ECE2: variants seen among roughly 807,000 people sequenced by gnomAD.
ECE2 encodes endothelin converting enzyme 2, also known as endothelin-converting enzyme 2.
ECE2 carries 81 observed loss-of-function variants against 100.6 expected under a neutral mutation model. The ratio of observed to expected loss-of-function variants is 0.81; its 90% CI spans 0.67 to 0.97. The LOEUF is 0.97. Ranked by LOEUF, ECE2 falls within the 50% of genes least tolerant of loss-of-function variation. The pLI is 0.00. For missense variants in ECE2, 911 were observed against 988.1 expected (o/e 0.92, Z 1.05); for synonymous variants, 391 against 391.5 (o/e 1.00, Z 0.02).
intron 6 of ECE2, 56 bp downstream of exon 6, chr3:184,278,369 C>A: frequency 6.3e-7 from 1 of 1,596,082 alleles, no homozygotes. Flanking sequence ...TGAGCCCAGA[C>A]TTCCCTCTCC....
chr3:184,283,796 C>T lies in ECE2; in HGVS notation c.828C>T (p.Ala276=). Residue 276 remains alanine (A), a synonymous_variant, in exon 8 of 19, where the codon GCC becomes GCT. Coordinates refer to ENST00000404464, the MANE Select transcript of ECE2 (RefSeq NM_001100121.2). ...CCGGGCCTTGACAGGTGCTCACTGCCTATCTGGATTACATGGAGGAACTGG... is the reference window on the plus strand; with the variant it reads ...CCGGGCCTTGACAGGTGCTCACTGCTTATCTGGATTACATGGAGGAACTGG... The part of the protein sequence containing the change: ...NRTANEKVLT[A]YLDYMEELGM... 1 of 1,613,680 alleles carries T rather than the reference C, an allele frequency of 6.2e-7. No homozygotes were observed. The highest frequency in any genetic ancestry group is 1.7e-5 in the Admixed American group (1 of 59,954).
At chr3:184,279,237 G>A (rs1176527670) in intron 7 of ECE2, among the ~76,000 whole-genome samples, 1 of 147,870 alleles carries the variant, frequency 6.8e-6, no homozygotes. Context: ...CTGAACCTGG[G>A]AGGCGGAGGT....
chr3:184,288,167 G>A (rs1351054585), intron 11 of ECE2, among the ~76,000 whole-genome samples: 10 of 152,004 alleles, frequency 6.6e-5, no homozygotes, highest in East Asian at 3.9e-4. Context: ...AAAATTAGCC[G>A]GGCGTGGTGG....
At chr3:184,277,222 C>T (rs1720596474) in intron 3 of ECE2, 29 bp from the exon 4 acceptor site, 1 of 1,613,186 alleles carries the variant, frequency 6.2e-7, no homozygotes, top group African/African-American at 1.3e-5. Flanking sequence ...TGACAGTCTC[C>T]TACCCTCCGG....
Position 184,289,086 on chromosome 3 carries a change from C to T in ECE2, c.1375-351C>T, listed in dbSNP as rs867378204. ...AGGAGAATCGCTTGAACTCGGGAGG[C>T]GGAGGTTGCAGTGAGCCGAGATTGC... is the stretch of plus-strand genomic sequence containing the variant. On this transcript the variant is annotated intron_variant, in intron 11 of 18. Transcript: ENST00000404464. This position sits in a 1 kb window ranked among gnomAD's most constrained non-coding sequence, Gnocchi z 4.1. 4.0e-5 allele frequency among the ~76,000 whole-genome samples: 6 copies of T among 150,396 alleles called. No homozygotes were observed. The highest frequency in any genetic ancestry group is 2.1e-4 in the South Asian group (1 of 4,778).
intron 3 of ECE2, 21 bp from the exon 4 acceptor site, chr3:184,277,230 C>T (rs757600918): frequency 5.6e-6 from 9 of 1,613,682 alleles, no homozygotes; most frequent in East Asian, 4.5e-5. Context: ...TCCTACCCTC[C>T]GGCCATGTTC....
Position 184,276,130 on chromosome 3 carries a change from A to G in ECE2, c.-24A>G. ...GCGGGCCAGCTGCCGGGAGCCCTGAATCACCGCCTGGCCCGACTCCACCAT... is the reference window on the plus strand; with the variant it reads ...GCGGGCCAGCTGCCGGGAGCCCTGAGTCACCGCCTGGCCCGACTCCACCAT... On this transcript the variant is annotated 5_prime_UTR_variant, in exon 1 of 19. Transcript: ENST00000404464. 1 of 1,338,712 alleles carries G rather than the reference A, an allele frequency of 7.5e-7. No individual in the cohort carries two copies. Among genetic ancestry groups the G allele is most frequent in the Non-Finnish European group, 9.5e-7 (1 of 1,048,648 alleles). The allele number at this position is 1,338,712 out of a possible 1,614,324, so 82.9% of individuals were successfully genotyped here.
At position 184,290,260 on chromosome 3, in the gene ECE2, A is replaced by G. The variant is rs1463319501; in HGVS notation, c.1557A>G (p.Glu519=). ...ACTTCCCACCTTTCCCACAGTACGA[A>G]ATTTCTGAAGATTCTTTCTTCCAAA... ...KELDDVYDGY[E]ISEDSFFQNM... The change falls in exon 14 of 19, where the codon GAA becomes GAG. Residue 519 remains glutamate, a synonymous_variant. Transcript: ENST00000404464. 6.2e-7 allele frequency: 1 copy of G among 1,613,526 alleles called. No homozygotes were observed.
intron 7 of ECE2, among the ~76,000 whole-genome samples, chr3:184,279,936 G>T (rs1577136484): frequency 6.6e-6 from 1 of 152,120 alleles, no homozygotes; most frequent in Admixed American, 6.6e-5. Flanking sequence ...GCCTGGAGAT[G>T]AATTAAGAGC....
intron 10 of ECE2, among the ~76,000 whole-genome samples, chr3:184,286,794 T>TC (rs1247569850): frequency 1.0e-4 from 10 of 99,634 alleles, no homozygotes; most frequent in Non-Finnish European, 1.4e-4. Flanking sequence ...CAAAACTCTG[T>TC]TTAAAAAAAA....
At position 184,291,585 on chromosome 3, in the gene ECE2, T is replaced by C; in HGVS notation, c.2121+146T>C. Reference sequence around the variant, plus strand: ...ATGAAAGGTGGGCTGGGAAGGCCCATGCCCAGAGCCTCCGGCCAGCCAGGG... The same window carrying C: ...ATGAAAGGTGGGCTGGGAAGGCCCACGCCCAGAGCCTCCGGCCAGCCAGGG... On this transcript the variant is annotated intron_variant, in intron 18 of 18. Transcript: ENST00000404464. The surrounding 1 kb of genome is among the most constrained non-coding windows in gnomAD (Gnocchi z 4.1). 2 of 795,518 alleles carry C rather than the reference T, an allele frequency of 2.5e-6. No homozygotes were observed. Among genetic ancestry groups the C allele is most frequent in the East Asian group, 5.9e-5 (2 of 33,862 alleles). 49.3% of individuals were successfully genotyped at this position (795,518 alleles called of 1,614,324 possible). A position where few individuals can be genotyped will look rare whatever the true frequency, so the allele number is the denominator to read the frequency against.
chr3:184,291,182 G>T lies in ECE2; in HGVS notation c.1977G>T (p.Thr659=), dbSNP rs900845450. ...VNGERLNGRQ[T]LGENIADNGG... ...GGGAGAGGCTCAACGGCCGCCAGACGCTGGGGGAGAACATTGCTGACAACG... is the reference window on the plus strand; with the variant it reads ...GGGAGAGGCTCAACGGCCGCCAGACTCTGGGGGAGAACATTGCTGACAACG... Residue 659 remains threonine (T), a synonymous_variant, in exon 17 of 19, where the codon ACG becomes ACT. Coordinates refer to ENST00000404464, the MANE Select transcript of ECE2 (RefSeq NM_001100121.2). This position sits in a 1 kb window ranked among gnomAD's most constrained non-coding sequence, Gnocchi z 4.1. The T allele has an allele frequency of 1.9e-6, 3 of 1,613,824 alleles. No homozygotes were observed. The highest frequency in any genetic ancestry group is 2.2e-5 in the East Asian group (1 of 44,884).
rs150346185 is a variant in ECE2 at position 184,290,861 on chromosome 3, G to T, written c.1834+1G>T. On this transcript the variant is annotated splice_donor_variant, in intron 16 of 18. Transcript: ENST00000404464. LOFTEE classifies it high-confidence loss of function. ...TTGACGCATGCCTTTGATGACCAAG[G>T]TAGGGGCCCATGGAGTCGTCCCCTC... The T allele has an allele frequency of 9.3e-6, 15 of 1,614,218 alleles. No individual in the cohort carries two copies. Among genetic ancestry groups the T allele is most frequent in the Non-Finnish European group, 1.3e-5 (15 of 1,180,042 alleles).
At position 184,277,380 on chromosome 3, in the gene ECE2, G is replaced by A. The variant is rs1178351494; in HGVS notation, c.392G>A (p.Arg131Lys). 1 of 1,614,268 alleles carries A rather than the reference G, an allele frequency of 6.2e-7. No homozygotes were observed. The highest frequency in any genetic ancestry group is 1.3e-5 in the African/African-American group (1 of 75,070). Reference sequence around the variant, plus strand: ...TTCTCCTGTGGGGGCTGGATTCGGAGGAACCCCCTGCCCGATGGGCGTTCT... The same window carrying A: ...TTCTCCTGTGGGGGCTGGATTCGGAAGAACCCCCTGCCCGATGGGCGTTCT... The part of the protein sequence containing the change: ...YQFSCGGWIR[R>K]NPLPDGRSRW... Residue 131 changes from arginine (R) to lysine (K), a missense_variant, in exon 4 of 19, where the codon AGG (arginine) becomes AAG (lysine). By Grantham distance (26) the Arg-to-Lys change is conservative (BLOSUM62 2). Coordinates refer to ENST00000404464, the MANE Select transcript of ECE2 (RefSeq NM_001100121.2).
chr3:184,292,082 A>C lies in ECE2; in HGVS notation c.2142A>C (p.Thr714=). The C allele has an allele frequency of 6.2e-7, 1 of 1,613,634 alleles. No individual in the cohort carries two copies. Among genetic ancestry groups the C allele is most frequent in the Non-Finnish European group, 8.5e-7 (1 of 1,179,892 alleles). ...CGCAGGTGTGGTGCTCGGTCCGCAC[A>C]CCAGAGAGCTCTCACGAGGGGCTGG... ...GFAQVWCSVR[T]PESSHEGLVT... is the part of the protein sequence containing the mutation. The change falls in exon 19 of 19, where the codon ACA becomes ACC. Residue 714 remains threonine, a synonymous_variant. Coordinates refer to ENST00000404464, the MANE Select transcript of ECE2 (RefSeq NM_001100121.2).
At chr3:184,282,363 G>T (rs1195899933) in intron 7 of ECE2, among the ~76,000 whole-genome samples, 4 of 148,772 alleles carry the variant, frequency 2.7e-5, no homozygotes, top group African/African-American at 9.7e-5. Flanking sequence ...AAAACTTCTT[G>T]GTAAGTAGAA....
At chr3:184,281,817 G>A (rs147455036) in intron 7 of ECE2, among the ~76,000 whole-genome samples, 59 of 152,354 alleles carry the variant, frequency 3.9e-4, no homozygotes, top group African/African-American at 1.3e-3. Flanking sequence ...ACTAAGAGTA[G>A]GCTGGGTGCA....
At position 184,290,758 on chromosome 3, in the gene ECE2, C is replaced by T. The variant is rs78744114; in HGVS notation, c.1767-35C>T. ...TGGAGGTGGGATTCAGAAGTACCCC[C>T]GCCATGTCCTCACTTGCTATTCCTC... On this transcript the variant is annotated intron_variant, in intron 15 of 18. Coordinates refer to ENST00000404464, the MANE Select transcript of ECE2 (RefSeq NM_001100121.2). The T allele has an allele frequency of 7.0e-4, 1,134 of 1,613,500 alleles. 6 individuals are homozygous for T. In the African/African-American group the frequency reaches 0.014, roughly 20 times the overall value.
Position 184,291,279 on chromosome 3 carries a change from G to C in ECE2, c.2025+49G>C, listed in dbSNP as rs770034168. ...AGCGGCTGAGGCCTGCTGGCCTGGG[G>C]TGAAAGGTGCCGGGTGGGTGGGGGC... On this transcript the variant is annotated intron_variant, in intron 17 of 18. Coordinates refer to ENST00000404464, the MANE Select transcript of ECE2 (RefSeq NM_001100121.2). This position sits in a 1 kb window ranked among gnomAD's most constrained non-coding sequence, Gnocchi z 4.1. 6.3e-7 allele frequency: 1 copy of C among 1,594,566 alleles called. No individual in the cohort carries two copies. Among genetic ancestry groups the C allele is most frequent in the South Asian group, 1.1e-5 (1 of 88,192 alleles).
Sources: gnomAD v4.1 joint callset for allele counts (sites outside exome capture counted in the v4.1 genomes callset) on GRCh38, gnomAD v4.1.1 for gene constraint, Gnocchi (gnomAD v3.1) non-coding constraint, MANE v1.5 for transcripts, NCBI Gene and HGNC (gene_info 2026-07-23, HGNC 2026-07-21) for gene names.